Variants in TRMT10B observed in about 807,000 individuals in gnomAD.
TRMT10B encodes the protein tRNA methyltransferase 10 homolog B.
In TRMT10B, 33 loss-of-function variants were observed where a neutral mutation model predicts 43.8. That is an observed-to-expected ratio of 0.75 (90% CI 0.57 to 1.01). The LOEUF (loss-of-function observed/expected upper bound fraction) is 1.01, where lower values mean the gene tolerates loss of function less well. TRMT10B is among the 50% of genes least tolerant of loss of function. The pLI is 0.00. For missense variants in TRMT10B, 362 were observed against 369.8 expected (o/e 0.98, Z 0.17); for synonymous variants, 137 against 130.6 (o/e 1.05, Z -0.34).
chr9:37,770,559 T>C lies in TRMT10B; in HGVS notation c.653-113T>C, dbSNP rs962866241. 6.9e-6 allele frequency: 7 copies of C among 1,015,356 alleles called. No individual in the cohort carries two copies. In the Admixed American group the frequency reaches 1.8e-4, roughly 26 times the overall value. 62.9% of individuals were successfully genotyped at this position (1,015,356 alleles called of 1,614,324 possible). A position where few individuals can be genotyped will look rare whatever the true frequency, so the allele number is the denominator to read the frequency against. Reference sequence around the variant, plus strand: ...TTGGTTTTATTGAGCAAGTTTCTTTTTGTTTTCTACTGAATTTCTACTTTT... The same window carrying C: ...TTGGTTTTATTGAGCAAGTTTCTTTCTGTTTTCTACTGAATTTCTACTTTT... On this transcript the variant is annotated intron_variant, in intron 6 of 8. Transcript: ENST00000297994.
intron 4 of TRMT10B, chr9:37,767,512 C>CTAAAA (rs1376563452): frequency 1.6e-5 from 1 of 60,864 alleles, no homozygotes; most frequent in South Asian, 5.8e-4. Flanking sequence ...GACCCTGTCT[C>CTAAAA]CAAAAAAAAA....
intron 1 of TRMT10B, among the ~76,000 whole-genome samples, chr9:37,760,158 T>G (rs1248749360): frequency 6.6e-6 from 1 of 152,172 alleles, no homozygotes; most frequent in Non-Finnish European, 1.5e-5. Flanking sequence ...AAACCCCGTC[T>G]CTACTAAAAA....
In TRMT10B at chr9:37,778,610, A is replaced by T. The variant is rs1238075991; in HGVS notation, c.*903A>T. 4 of 152,202 alleles carry T rather than the reference A, an allele frequency of 2.6e-5. No homozygotes were observed. The highest frequency in any genetic ancestry group is 6.5e-5 in the Admixed American group (1 of 15,282). 9.4% of individuals were successfully genotyped at this position (152,202 alleles called of 1,614,324 possible). ...CATCTATTTGTGAGAGACCTCTTGAAATTGTTTAAATGGTTACATCAAGAG... is the reference window on the plus strand; with the variant it reads ...CATCTATTTGTGAGAGACCTCTTGATATTGTTTAAATGGTTACATCAAGAG... On this transcript the variant is annotated 3_prime_UTR_variant, in exon 9 of 9. Coordinates refer to ENST00000297994, the MANE Select transcript of TRMT10B (RefSeq NM_144964.4).
intron 1 of TRMT10B, among the ~76,000 whole-genome samples, chr9:37,758,544 A>T (rs940957577): frequency 2.0e-5 from 3 of 152,152 alleles, no homozygotes; most frequent in African/African-American, 7.2e-5. Flanking sequence ...GCTCAGTTGG[A>T]AAATTAAAGG....
chr9:37,754,948 C>T (rs1025990357), intron 1 of TRMT10B, among the ~76,000 whole-genome samples: 1 of 152,138 alleles, frequency 6.6e-6, no homozygotes, highest in Admixed American at 6.6e-5. Flanking sequence ...TACAAAGGTG[C>T]TGCCAGGATT....
intron 7 of TRMT10B, among the ~76,000 whole-genome samples, chr9:37,773,170 C>T (rs564895383): frequency 3.9e-5 from 6 of 152,224 alleles, no homozygotes; most frequent in African/African-American, 1.2e-4. Context: ...TGAGGTGGTG[C>T]GATCATAGCT....
At chr9:37,770,225 G>C (rs1036105949) in intron 6 of TRMT10B, among the ~76,000 whole-genome samples, 1 of 152,180 alleles carries the variant, frequency 6.6e-6, no homozygotes, top group African/African-American at 2.4e-5. Context: ...TGCAGACTTA[G>C]GGTTTCCATC....
At chr9:37,759,305 C>T (rs1417392252) in intron 1 of TRMT10B, among the ~76,000 whole-genome samples, 1 of 152,158 alleles carries the variant, frequency 6.6e-6, no homozygotes, top group African/African-American at 2.4e-5. Context: ...AATAAAAAAG[C>T]AACTACTGAT....
At chr9:37,774,626 A>G (rs1827939722) in intron 7 of TRMT10B, among the ~76,000 whole-genome samples, 1 of 152,264 alleles carries the variant, frequency 6.6e-6, no homozygotes, top group African/African-American at 2.4e-5. Flanking sequence ...ATAAAGGAAT[A>G]AGACTTTTTA....
rs188915371 is a variant in TRMT10B, at chr9:37,778,089, G to A, written c.*382G>A. On this transcript the variant is annotated 3_prime_UTR_variant, in exon 9 of 9. Transcript: ENST00000297994. ...GACCCAAAGAGCAGGGCAGAGGGTG[G>A]CAGTGGCACATAGGCAAGTGTCTTT... The A allele has an allele frequency of 1.1e-3, 188 of 178,014 alleles. No homozygotes were observed. Among genetic ancestry groups the A allele is most frequent in the African/African-American group, 4.3e-3 (180 of 41,956 alleles). 11.0% of individuals were successfully genotyped at this position (178,014 alleles called of 1,614,324 possible). A position where few individuals can be genotyped will look rare whatever the true frequency, so the allele number is the denominator to read the frequency against.
chr9:37,770,841 G>A, intron 7 of TRMT10B, 102 bp downstream of exon 7: 5 of 1,231,140 alleles, frequency 4.1e-6, no homozygotes, highest in Non-Finnish European at 5.5e-6. Flanking sequence ...TAAGAACTCA[G>A]AGGGAACAGG....
At chr9:37,753,513 C>T (rs866410608), upstream of TRMT10B, among the ~76,000 whole-genome samples, 1 of 148,992 alleles carries the variant, frequency 6.7e-6, no homozygotes, top group Non-Finnish European at 1.5e-5. Context: ...GCTTCACACA[C>T]CCCAGTTTCG....
intron 8 of TRMT10B, 47 bp from the exon 9 acceptor site, chr9:37,777,553 CT>C (rs769440019): frequency 6.2e-6 from 9 of 1,448,432 alleles, no homozygotes; most frequent in Non-Finnish European, 8.7e-6. Context: ...TTTACTCGTT[CT>C]TTTTTTCCCT....
chr9:37,756,626 A>T lies in TRMT10B; in HGVS notation c.-30+2774A>T, dbSNP rs975262242. ...GAGGCTGAGGCATGAGAATCGCTTG[A>T]ACCTGGGTGGCAGAGGTTGCAATGA... On this transcript the variant is annotated intron_variant, in intron 1 of 8. Coordinates refer to ENST00000297994, the MANE Select transcript of TRMT10B (RefSeq NM_144964.4). 8.6e-5 allele frequency among the ~76,000 whole-genome samples: 13 copies of T among 151,994 alleles called. No homozygotes were observed. In the South Asian group the frequency reaches 2.7e-3, roughly 32 times the overall value.
At chr9:37,774,612 GA>G (rs1369805100) in intron 7 of TRMT10B, among the ~76,000 whole-genome samples, 2 of 152,184 alleles carry the variant, frequency 1.3e-5, no homozygotes, top group Non-Finnish European at 2.9e-5. Context: ...ACTTCAAAGT[GA>G]TTATAAAGGA....
intron 1 of TRMT10B, among the ~76,000 whole-genome samples, chr9:37,754,408 C>A (rs1825379044): frequency 6.6e-6 from 1 of 151,980 alleles, no homozygotes; most frequent in African/African-American, 2.4e-5. Flanking sequence ...CAAATAGACC[C>A]CGGAGTGCAG....
At chr9:37,752,984 C>T (rs1459856457), upstream of TRMT10B, among the ~76,000 whole-genome samples, 1 of 152,066 alleles carries the variant, frequency 6.6e-6, no homozygotes. Flanking sequence ...CCTTTGGGTC[C>T]CTACTGTCTT....
intron 8 of TRMT10B, among the ~76,000 whole-genome samples, chr9:37,776,833 A>T (rs1232309180): frequency 6.6e-6 from 1 of 151,274 alleles, no homozygotes; most frequent in Non-Finnish European, 1.5e-5. Context: ...TGGGAAGTGG[A>T]GGTTGCAGTG....
At chr9:37,753,033 A>C (rs543018850), upstream of TRMT10B, among the ~76,000 whole-genome samples, 1 of 152,060 alleles carries the variant, frequency 6.6e-6, no homozygotes, top group South Asian at 2.1e-4. Flanking sequence ...CTGTATTTGC[A>C]GCTCTTTCTT....
Sources: gnomAD v4.1 joint callset for allele counts (sites outside exome capture counted in the v4.1 genomes callset) on GRCh38, gnomAD v4.1.1 for gene constraint, MANE v1.5 for transcripts, NCBI Gene and HGNC (gene_info 2026-07-23, HGNC 2026-07-21) for gene names.